GTF2F2: variants seen among roughly 807,000 people sequenced by gnomAD.
GTF2F2 encodes the protein ATP-dependent helicase GTF2F2.
Under a neutral mutation model 42.2 loss-of-function variants are expected in GTF2F2, and 23 were observed. That is an observed-to-expected ratio of 0.55 (90% CI 0.39 to 0.77). The LOEUF (loss-of-function observed/expected upper bound fraction) is 0.77, where lower values mean the gene tolerates loss of function less well. GTF2F2 is among the 30% of genes least tolerant of loss of function. GTF2F2 has a pLI of 0.00. For synonymous variants in GTF2F2, 105 were observed against 100.8 expected (o/e 1.04, Z -0.25); for missense variants, 261 against 287.2 (o/e 0.91, Z 0.66).
At position 45,190,831 on chromosome 13, in the gene GTF2F2, A is replaced by G. The variant is rs186662245; in HGVS notation, c.305-16593A>G. On this transcript the variant is annotated intron_variant, in intron 4 of 7. Coordinates refer to ENST00000340473, the MANE Select transcript of GTF2F2 (RefSeq NM_004128.3). ...CAGTGGTGCGATCTCGGCTCACCAC[A>G]ACTTCCACCTCTCAGTTAAAGCGAT... is the stretch of plus-strand genomic sequence containing the variant. 3.8e-3 allele frequency among the ~76,000 whole-genome samples: 578 copies of G among 151,404 alleles called. 1 individual carries two copies. Among genetic ancestry groups the G allele is most frequent in the Middle Eastern group, 6.8e-3 (2 of 294 alleles).
intron 5 of GTF2F2, among the ~76,000 whole-genome samples, chr13:45,211,929 A>G (rs1296373190): frequency 5.3e-5 from 8 of 152,134 alleles, no homozygotes. Flanking sequence ...TTCTTATTCC[A>G]GATAGTTTAG....
intron 5 of GTF2F2, among the ~76,000 whole-genome samples, chr13:45,240,508 AT>A (rs1875235073): frequency 6.6e-6 from 1 of 152,100 alleles, no homozygotes; most frequent in African/African-American, 2.4e-5. Flanking sequence ...TTAGTTAGCA[AT>A]ATTTGTTAAG....
rs552144292 is a variant in GTF2F2, at chr13:45,149,893, C to T, written c.159+105C>T. The T allele has an allele frequency of 2.6e-4, 288 of 1,087,548 alleles. 1 individual carries two copies. The highest frequency in any genetic ancestry group is 1.1e-3 in the Admixed American group (35 of 31,406). The allele number at this position is 1,087,548 out of a possible 1,614,324, so 67.4% of individuals were successfully genotyped here. A position where few individuals can be genotyped will look rare whatever the true frequency, so the allele number is the denominator to read the frequency against. On this transcript the variant is annotated intron_variant, in intron 3 of 7. Transcript: ENST00000340473. ...ATTTTGGAAAACTCCACATCAAGTG[C>T]ATGGCTGATGGTTAAGAACACATAA...
At chr13:45,240,163 C>A (rs747101441) in intron 5 of GTF2F2, among the ~76,000 whole-genome samples, 13 of 136,194 alleles carry the variant, frequency 9.5e-5, no homozygotes, top group Non-Finnish European at 1.8e-4. Flanking sequence ...CATGCACTCT[C>A]CTAAGAACAA....
chr13:45,225,005 A>G (rs1874270607), intron 5 of GTF2F2, among the ~76,000 whole-genome samples: 2 of 152,202 alleles, frequency 1.3e-5, no homozygotes, highest in South Asian at 2.1e-4. Flanking sequence ...GTTGTTCTCA[A>G]ACTTTCATGT....
chr13:45,226,281 G>C (rs1055863146), intron 5 of GTF2F2, among the ~76,000 whole-genome samples: 3 of 152,286 alleles, frequency 2.0e-5, no homozygotes, highest in South Asian at 2.1e-4. Flanking sequence ...AACTTACGCT[G>C]TTGGTTGTAA....
intron 7 of GTF2F2, among the ~76,000 whole-genome samples, chr13:45,275,661 C>T (rs1169645538): frequency 6.6e-6 from 1 of 152,034 alleles, no homozygotes; most frequent in Non-Finnish European, 1.5e-5. Context: ...CAGAGTATTC[C>T]ATGGTGTATA....
At chr13:45,177,097 G>GT (rs1362337710) in intron 4 of GTF2F2, among the ~76,000 whole-genome samples, 6 of 152,004 alleles carry the variant, frequency 3.9e-5, no homozygotes, top group Non-Finnish European at 8.8e-5. Context: ...GCCTGGAATT[G>GT]TTTTTTCTGT....
chr13:45,161,751 G>T (rs1209511899), intron 4 of GTF2F2, among the ~76,000 whole-genome samples: 1 of 152,172 alleles, frequency 6.6e-6, no homozygotes, highest in Non-Finnish European at 1.5e-5. Flanking sequence ...GCTGAGGCAG[G>T]AGAATCACTT....
intron 5 of GTF2F2, among the ~76,000 whole-genome samples, chr13:45,251,182 A>G (rs1003774439): frequency 1.3e-5 from 2 of 152,174 alleles, no homozygotes; most frequent in Non-Finnish European, 2.9e-5. Flanking sequence ...CAGCAATTTG[A>G]TAGTATATAC....
chr13:45,235,364 AG>A (rs1290624169), intron 5 of GTF2F2, among the ~76,000 whole-genome samples: 2 of 152,130 alleles, frequency 1.3e-5, no homozygotes, highest in Non-Finnish European at 2.9e-5. Flanking sequence ...GAAAAGGAAG[AG>A]CTGTTAACGT....
intron 7 of GTF2F2, among the ~76,000 whole-genome samples, chr13:45,278,465 G>T (rs1440666346): frequency 6.6e-6 from 1 of 152,184 alleles, no homozygotes; most frequent in African/African-American, 2.4e-5. Flanking sequence ...AGTTTATTCA[G>T]ATCTTGTGCT....
intron 4 of GTF2F2, among the ~76,000 whole-genome samples, chr13:45,186,203 G>A (rs1872413702): frequency 6.6e-6 from 1 of 151,640 alleles, no homozygotes. Flanking sequence ...TTGAACTCCT[G>A]ACCTCAAGTG....
intron 7 of GTF2F2, among the ~76,000 whole-genome samples, chr13:45,274,619 A>G (rs918223384): frequency 7.2e-5 from 11 of 151,846 alleles, no homozygotes; most frequent in African/African-American, 1.9e-4. Flanking sequence ...ATGAGCCACC[A>G]CGCCCGACCA....
At chr13:45,207,672 A>G (rs1485094823) in intron 5 of GTF2F2, among the ~76,000 whole-genome samples, 167 bp downstream of exon 5, 1 of 152,218 alleles carries the variant, frequency 6.6e-6, no homozygotes, top group Non-Finnish European at 1.5e-5. Context: ...GGCACTAAAG[A>G]AATTTCAGTA....
At chr13:45,216,819 A>G (rs1873908260) in intron 5 of GTF2F2, among the ~76,000 whole-genome samples, 2 of 150,450 alleles carry the variant, frequency 1.3e-5, no homozygotes, top group Admixed American at 6.6e-5. Flanking sequence ...GCGCCGGCCC[A>G]AAGTTTGTTT....
intron 2 of GTF2F2, among the ~76,000 whole-genome samples, chr13:45,145,558 A>G (rs867699724): frequency 2.0e-5 from 3 of 152,222 alleles, no homozygotes; most frequent in Non-Finnish European, 4.4e-5. Flanking sequence ...CTGTATTTCT[A>G]TATTTACATA....
chr13:45,214,748 C>T (rs1193177524), intron 5 of GTF2F2, among the ~76,000 whole-genome samples: 2 of 151,942 alleles, frequency 1.3e-5, no homozygotes, highest in Non-Finnish European at 2.9e-5. Context: ...TTGAGCTTTT[C>T]CCTAGTCTTT....
At chr13:45,195,843 A>G (rs1390422197) in intron 4 of GTF2F2, among the ~76,000 whole-genome samples, 1 of 152,150 alleles carries the variant, frequency 6.6e-6, no homozygotes, top group East Asian at 1.9e-4. Context: ...TTTTGTAGAG[A>G]CAAGTTTTTG....
Sources: gnomAD v4.1 joint callset for allele counts (sites outside exome capture counted in the v4.1 genomes callset) on GRCh38, gnomAD v4.1.1 for gene constraint, MANE v1.5 for transcripts, NCBI Gene and HGNC (gene_info 2026-07-23, HGNC 2026-07-21) for gene names.